KIAA0825: variants seen among roughly 807,000 people sequenced by gnomAD.
KIAA0825 encodes KIAA0825, also known as uncharacterized protein KIAA0825.
A neutral mutation model predicts 147.6 loss-of-function variants in KIAA0825; 119 were observed. The observed-to-expected ratio is 0.81, with a 90% CI of 0.69 to 0.94. KIAA0825 has a LOEUF of 0.94. Ranked by LOEUF, KIAA0825 falls within the 40% of genes least tolerant of loss-of-function variation. KIAA0825 has a pLI of 0.00. For synonymous variants in KIAA0825, 470 were observed against 518.1 expected (o/e 0.91, Z 1.26); for missense variants, 1,381 against 1,472.7 (o/e 0.94, Z 1.02).
intron 3 of KIAA0825, among the ~76,000 whole-genome samples, chr5:94,529,808 T>C (rs748927758): frequency 2.0e-4 from 30 of 152,164 alleles, no homozygotes; most frequent in Admixed American, 8.5e-4. Context: ...TTTACACTAG[T>C]TTAAGATAAA....
intron 20 of KIAA0825, among the ~76,000 whole-genome samples, chr5:94,287,258 G>A (rs141119303): frequency 1.3e-5 from 2 of 152,250 alleles, no homozygotes; most frequent in Non-Finnish European, 2.9e-5. Context: ...CTGATGACTT[G>A]TAGCTATCAA....
intron 20 of KIAA0825, among the ~76,000 whole-genome samples, chr5:94,351,875 G>A (rs1584220736): frequency 2.0e-5 from 3 of 152,324 alleles, no homozygotes; most frequent in Middle Eastern, 6.8e-3. Flanking sequence ...CTAGCCACAT[G>A]TAGGAGAATG....
At chr5:94,344,758 G>A (rs1387919973) in intron 20 of KIAA0825, among the ~76,000 whole-genome samples, 1 of 152,206 alleles carries the variant, frequency 6.6e-6, no homozygotes, top group Non-Finnish European at 1.5e-5. Context: ...CCTGGCAGGT[G>A]CTACAACATG....
At chr5:94,235,184 C>G (rs1774972732) in intron 20 of KIAA0825, among the ~76,000 whole-genome samples, 1 of 152,148 alleles carries the variant, frequency 6.6e-6, no homozygotes, top group Non-Finnish European at 1.5e-5. Flanking sequence ...AGGCCAAAAG[C>G]CAGGCCTCTT....
intron 2 of KIAA0825, among the ~76,000 whole-genome samples, chr5:94,548,262 T>C (rs888926671): frequency 6.6e-6 from 1 of 152,184 alleles, no homozygotes; most frequent in Non-Finnish European, 1.5e-5. Context: ...AACGAAAAGT[T>C]AAAAAGCTGA....
At chr5:94,422,420 C>A (rs147892552) in intron 14 of KIAA0825, among the ~76,000 whole-genome samples, 2 of 152,178 alleles carry the variant, frequency 1.3e-5, no homozygotes, top group African/African-American at 2.4e-5. Flanking sequence ...CTGTTCATCA[C>A]ACCTAAATAT....
intron 20 of KIAA0825, among the ~76,000 whole-genome samples, chr5:94,297,628 A>G (rs1177087516): frequency 6.6e-6 from 1 of 151,884 alleles, no homozygotes; most frequent in Non-Finnish European, 1.5e-5. Context: ...TAGAGTCTCA[A>G]TCTGTCGCCC....
chr5:94,445,841 C>G (rs1444716766), intron 13 of KIAA0825, among the ~76,000 whole-genome samples: 1 of 152,172 alleles, frequency 6.6e-6, no homozygotes, highest in Non-Finnish European at 1.5e-5. Context: ...TACTGCTTGT[C>G]CATCCACACT....
At chr5:94,176,602 G>A (rs1482264605) in intron 20 of KIAA0825, among the ~76,000 whole-genome samples, 1 of 151,916 alleles carries the variant, frequency 6.6e-6, no homozygotes, top group Non-Finnish European at 1.5e-5. Context: ...ATACTCAAGA[G>A]GGTCTTACCT....
At chr5:94,503,991 T>C (rs1765400185) in intron 5 of KIAA0825, among the ~76,000 whole-genome samples, 2 of 152,080 alleles carry the variant, frequency 1.3e-5, no homozygotes, top group Admixed American at 1.3e-4. Context: ...ACAATGATCA[T>C]AGACATGGAC....
chr5:94,281,198 AACACACACACACAC>A (rs34358354), intron 20 of KIAA0825, among the ~76,000 whole-genome samples: 2,007 of 145,116 alleles, frequency 0.014, 38 homozygotes, highest in African/African-American at 0.041. Flanking sequence ...TAAGTGATTT[AACACACACACACAC>A]ACACACACAC....
chr5:94,465,123 A>C, intron 10 of KIAA0825, 64 bp from the exon 11 acceptor site: 5 of 1,444,036 alleles, frequency 3.5e-6, no homozygotes, highest in Non-Finnish European at 3.7e-6. Flanking sequence ...TTTGCTTCCT[A>C]TGAACGTAAT....
chr5:94,570,697 C>A (rs1205007414), intron 2 of KIAA0825: 1 of 152,174 alleles, frequency 6.6e-6, no homozygotes, highest in African/African-American at 2.4e-5. Flanking sequence ...GTAGTATAAA[C>A]CAATACACCG....
intron 20 of KIAA0825, among the ~76,000 whole-genome samples, chr5:94,254,742 TA>T (rs1776153906): frequency 6.6e-6 from 1 of 152,114 alleles, no homozygotes; most frequent in African/African-American, 2.4e-5. Flanking sequence ...TGAGGTCACA[TA>T]AAATGTCAGA....
chr5:94,254,032 G>T lies in KIAA0825; in HGVS notation c.3711-99908C>A, dbSNP rs564936302. Reference sequence around the variant, plus strand: ...AGCCGTTCCTAATCTCATCAGGAGGGCCTTGGGTTTATTAGCCTTGCCATT... The same window carrying T: ...AGCCGTTCCTAATCTCATCAGGAGGTCCTTGGGTTTATTAGCCTTGCCATT... On this transcript the variant is annotated intron_variant, in intron 20 of 20. Coordinates refer to ENST00000682413, the MANE Select transcript of KIAA0825 (RefSeq NM_001145678.3). Among the ~76,000 whole-genome samples the T allele has an allele frequency of 2.0e-5, 3 of 152,226 alleles. No homozygotes were observed. The South Asian group carries it at 6.2e-4, about 32-fold the overall frequency.
chr5:94,563,195 C>CA lies in KIAA0825; in HGVS notation c.-2+19237dup, dbSNP rs58497890. On this transcript the variant is annotated intron_variant, in intron 2 of 20. Transcript: ENST00000682413. ...TCTCCACTAAAAATACCAAAAAAAA[C>CA]AAAAAAAAAAAAATCAGCTGGGCGT... 6.2e-3 allele frequency among the ~76,000 whole-genome samples: 876 copies of CA among 140,222 alleles called. 16 individuals are homozygous for CA. Among genetic ancestry groups the CA allele is most frequent in the East Asian group, 8.6e-3 (41 of 4,768 alleles). 92.0% of individuals were successfully genotyped at this position (140,222 alleles called of 152,430 possible).
intron 20 of KIAA0825, among the ~76,000 whole-genome samples, chr5:94,335,946 CA>C (rs1245809404): frequency 6.6e-6 from 1 of 152,126 alleles, no homozygotes; most frequent in African/African-American, 2.4e-5. Flanking sequence ...AATTGCATTG[CA>C]TTGTTCCATA....
chr5:94,377,837 A>G (rs1024225659), intron 20 of KIAA0825, among the ~76,000 whole-genome samples: 3 of 152,194 alleles, frequency 2.0e-5, no homozygotes, highest in African/African-American at 7.2e-5. Context: ...ATCACTCATA[A>G]TTAGTTTACA....
intron 20 of KIAA0825, among the ~76,000 whole-genome samples, chr5:94,254,012 T>A (rs1427397053): frequency 6.6e-6 from 1 of 152,124 alleles, no homozygotes; most frequent in Non-Finnish European, 1.5e-5. Context: ...GTAAGAGCCG[T>A]TCCTAATCTC....
Sources: gnomAD v4.1 joint callset for allele counts (sites outside exome capture counted in the v4.1 genomes callset) on GRCh38, gnomAD v4.1.1 for gene constraint, MANE v1.5 for transcripts, NCBI Gene and HGNC (gene_info 2026-07-23, HGNC 2026-07-21) for gene names.